The following HPSE2 variants were observed in gnomAD, a reference collection of about 807,000 sequenced individuals.
The protein encoded by HPSE2 is heparanase 2 (inactive).
A neutral mutation model predicts 60.5 loss-of-function variants in HPSE2; 38 were observed. The ratio of observed to expected loss-of-function variants is 0.63; its 90% CI spans 0.48 to 0.82. HPSE2 has a LOEUF of 0.82. Among genes scored for constraint, HPSE2 ranks in the 40% least tolerant of loss-of-function variants. The pLI, the probability that HPSE2 is intolerant of heterozygous loss-of-function variation, is 0.00. For missense variants in HPSE2, 713 were observed against 740.4 expected, an observed-to-expected ratio of 0.96 and a Z score of 0.43; for synonymous variants, 295 against 293.2, an observed-to-expected ratio of 1.01 and a Z score of -0.06.
chr10:99,196,708 A>G (rs1414475280), intron 2 of HPSE2, among the ~76,000 whole-genome samples: 1 of 152,212 alleles, frequency 6.6e-6, no homozygotes, highest in Non-Finnish European at 1.5e-5. Context: ...AAAGACAGGC[A>G]ATAACAAATG....
intron 3 of HPSE2, among the ~76,000 whole-genome samples, chr10:98,969,563 T>C (rs2135262063): frequency 6.6e-6 from 1 of 152,354 alleles, no homozygotes; most frequent in South Asian, 2.1e-4. Context: ...TAGGTAAGTG[T>C]TGAGTTCTTG....
intron 3 of HPSE2, among the ~76,000 whole-genome samples, chr10:99,073,939 GTTTT>G (rs34409713): frequency 3.1e-5 from 4 of 127,902 alleles, no homozygotes; most frequent in Admixed American, 8.0e-5. Flanking sequence ...AGTTCCAAAA[GTTTT>G]TTTTTTTTTT....
intron 3 of HPSE2, among the ~76,000 whole-genome samples, chr10:98,766,733 T>C (rs1950126924): frequency 6.6e-6 from 1 of 152,130 alleles, no homozygotes; most frequent in African/African-American, 2.4e-5. Flanking sequence ...GAGACCAGCC[T>C]GGGCAACATG....
At chr10:99,011,272 G>A (rs1426400009) in intron 3 of HPSE2, among the ~76,000 whole-genome samples, 1 of 152,022 alleles carries the variant, frequency 6.6e-6, no homozygotes, top group Admixed American at 6.5e-5. Flanking sequence ...GATCTCCTAT[G>A]CCTGATCTAG....
At chr10:99,202,956 C>T (rs1416205986) in intron 2 of HPSE2, among the ~76,000 whole-genome samples, 6 of 152,166 alleles carry the variant, frequency 3.9e-5, no homozygotes, top group Non-Finnish European at 8.8e-5. Context: ...GTGAGCAATC[C>T]GACTTTGCCT....
chr10:98,597,792 G>A (rs1945284262), intron 9 of HPSE2, among the ~76,000 whole-genome samples: 1 of 151,742 alleles, frequency 6.6e-6, no homozygotes, highest in Admixed American at 6.6e-5. Flanking sequence ...CCAATATGGT[G>A]AGACCCCGTC....
At chr10:98,516,598 T>G (rs577362765) in intron 9 of HPSE2, among the ~76,000 whole-genome samples, 1 of 152,332 alleles carries the variant, frequency 6.6e-6, no homozygotes, top group East Asian at 1.9e-4. Context: ...CCATTTTTTT[T>G]CTGTCTCTGA....
chr10:98,531,436 CA>C (rs1943128512), intron 9 of HPSE2, among the ~76,000 whole-genome samples: 1 of 152,164 alleles, frequency 6.6e-6, no homozygotes, highest in African/African-American at 2.4e-5. Flanking sequence ...GCTGCAGCCC[CA>C]CATCCAAGGG....
chr10:98,958,616 GA>G (rs1309924527), intron 3 of HPSE2, among the ~76,000 whole-genome samples: 16 of 152,116 alleles, frequency 1.1e-4, no homozygotes, highest in African/African-American at 3.6e-4. Flanking sequence ...AGAAACTATA[GA>G]TTCTTTAACT....
At chr10:99,217,849 G>A (rs939663993) in intron 2 of HPSE2, among the ~76,000 whole-genome samples, 2 of 152,018 alleles carry the variant, frequency 1.3e-5, no homozygotes, top group African/African-American at 2.4e-5. Context: ...GCCTCACAAC[G>A]TTTTGGGACT....
intron 3 of HPSE2, among the ~76,000 whole-genome samples, chr10:98,974,593 T>C (rs1956041188): frequency 6.6e-6 from 1 of 152,092 alleles, no homozygotes; most frequent in African/African-American, 2.4e-5. Context: ...ATCCTTAAGG[T>C]AGGATTTTAA....
At chr10:99,041,276 T>A (rs963288602) in intron 3 of HPSE2, among the ~76,000 whole-genome samples, 2 of 151,672 alleles carry the variant, frequency 1.3e-5, no homozygotes, top group Non-Finnish European at 2.9e-5. Flanking sequence ...GGAGGCCACA[T>A]TGAGATTCAT....
chr10:98,879,412 T>A (rs1178840606), intron 3 of HPSE2, among the ~76,000 whole-genome samples: 1 of 152,074 alleles, frequency 6.6e-6, no homozygotes, highest in African/African-American at 2.4e-5. Flanking sequence ...CTATACACAA[T>A]ACATACACTA....
At chr10:98,607,908 A>C (rs1263773571) in intron 9 of HPSE2, among the ~76,000 whole-genome samples, 3 of 152,194 alleles carry the variant, frequency 2.0e-5, no homozygotes, top group Non-Finnish European at 4.4e-5. Context: ...TATTCAGGTT[A>C]TTAATGATAA....
chr10:99,126,079 T>A lies in HPSE2; in HGVS notation c.610+18159A>T, dbSNP rs1845152836. Reference sequence around the variant, plus strand: ...GGGCCTGAAATCTGTGCTTGCTTTCTCAGCAGGGAAGCTTACGACCTGGTG... The same window carrying A: ...GGGCCTGAAATCTGTGCTTGCTTTCACAGCAGGGAAGCTTACGACCTGGTG... On this transcript the variant is annotated intron_variant, in intron 3 of 11. Coordinates refer to ENST00000370552, the MANE Select transcript of HPSE2 (RefSeq NM_021828.5). The surrounding 1 kb of genome is among the most constrained non-coding windows in gnomAD (Gnocchi z 4.0). 1.3e-5 allele frequency among the ~76,000 whole-genome samples: 2 copies of A among 152,124 alleles called. No individual in the cohort carries two copies. Among genetic ancestry groups the A allele is most frequent in the African/African-American group, 2.4e-5 (1 of 41,416 alleles).
intron 8 of HPSE2, among the ~76,000 whole-genome samples, chr10:98,617,704 TG>T (rs1291721362): frequency 6.6e-6 from 1 of 152,204 alleles, no homozygotes; most frequent in East Asian, 1.9e-4. Context: ...GTTGATAAAA[TG>T]ACTGGTATAT....
the HPSE2 span, among the ~76,000 whole-genome samples, chr10:99,289,484 G>T: frequency 6.6e-6 from 1 of 151,880 alleles, no homozygotes; most frequent in Admixed American, 6.6e-5. Context: ...TTTCTTTTTA[G>T]AATGCAGTTT....
intron 2 of HPSE2, among the ~76,000 whole-genome samples, chr10:99,198,303 T>C (rs367702263): frequency 6.6e-6 from 1 of 152,212 alleles, no homozygotes; most frequent in South Asian, 2.1e-4. Flanking sequence ...TGAAACAAAC[T>C]ATATTAAATA....
At chr10:98,678,773 AT>A (rs967582811) in intron 6 of HPSE2, among the ~76,000 whole-genome samples, 3 of 152,058 alleles carry the variant, frequency 2.0e-5, no homozygotes, top group Non-Finnish European at 4.4e-5. Context: ...TTAATTTCAT[AT>A]TTTTTGGAGA....
Sources: gnomAD v4.1 joint callset for allele counts (sites outside exome capture counted in the v4.1 genomes callset) on GRCh38, gnomAD v4.1.1 for gene constraint, Gnocchi (gnomAD v3.1) non-coding constraint, MANE v1.5 for transcripts, NCBI Gene and HGNC (gene_info 2026-07-23, HGNC 2026-07-21) for gene names.